Variants in CSMD3 observed in about 807,000 individuals in gnomAD.
The protein encoded by CSMD3 is CUB and sushi domain-containing protein 3.
CSMD3 carries 177 observed loss-of-function variants against 435.2 expected under a neutral mutation model. The observed-to-expected ratio is 0.41, with a 90% CI of 0.36 to 0.46. CSMD3 has a LOEUF of 0.46. Ranked by LOEUF, CSMD3 falls within the 20% of genes least tolerant of loss-of-function variation. CSMD3 has a pLI of 0.34. For synonymous variants in CSMD3, 1,656 were observed against 1,520.5 expected (o/e 1.09, Z -2.07); for missense variants, 4,265 against 4,504.6 (o/e 0.95, Z 1.52).
rs1328707371 is a variant in CSMD3, at chr8:113,400,896, T to C, written c.178+35781A>G. Among the ~76,000 whole-genome samples, 3 of 151,836 alleles carry C rather than the reference T, an allele frequency of 2.0e-5. No homozygotes were observed. In the East Asian group the frequency reaches 5.8e-4, roughly 29 times the overall value. ...ATTGGTTGGAGAGTATTTATAATTA[T>C]TAAGTTTGATTGGAACAAGTTTAAT... On this transcript the variant is annotated intron_variant, in intron 1 of 70. Transcript: ENST00000297405.
chr8:112,959,591 T>A (rs1405337347), intron 7 of CSMD3, among the ~76,000 whole-genome samples: 3 of 151,900 alleles, frequency 2.0e-5, no homozygotes, highest in African/African-American at 7.2e-5. Context: ...CGTCTTCTTT[T>A]GTGCTGTGTT....
intron 11 of CSMD3, among the ~76,000 whole-genome samples, chr8:112,843,379 A>G (rs926837138): frequency 1.3e-5 from 2 of 151,768 alleles, no homozygotes; most frequent in Admixed American, 1.3e-4. Context: ...CTGCTGTCCA[A>G]TTTCCTTGTT....
chr8:112,318,516 T>C (rs1314758036), intron 47 of CSMD3, among the ~76,000 whole-genome samples: 1 of 152,066 alleles, frequency 6.6e-6, no homozygotes, highest in East Asian at 1.9e-4. Context: ...GCAATTAACA[T>C]TGAAACCTTT....
intron 20 of CSMD3, among the ~76,000 whole-genome samples, chr8:112,641,540 T>G (rs1563801542): frequency 6.6e-6 from 1 of 152,006 alleles, no homozygotes; most frequent in Admixed American, 6.6e-5. Flanking sequence ...AAAATGACCT[T>G]CAAATGTAAT....
intron 61 of CSMD3, among the ~76,000 whole-genome samples, chr8:112,259,460 G>A (rs906380303): frequency 3.3e-5 from 5 of 152,054 alleles, no homozygotes; most frequent in Non-Finnish European, 7.4e-5. Flanking sequence ...GTCTAGGGGA[G>A]GCACAGCATT....
intron 32 of CSMD3, among the ~76,000 whole-genome samples, chr8:112,469,054 A>C (rs780944003): frequency 1.3e-5 from 2 of 151,788 alleles, no homozygotes. Context: ...AGTAAAGCGA[A>C]GTAATATTAT....
intron 2 of CSMD3, among the ~76,000 whole-genome samples, chr8:113,303,978 C>A (rs1255643757): frequency 7.2e-6 from 1 of 138,046 alleles, no homozygotes; most frequent in Non-Finnish European, 1.6e-5. Context: ...AACAGGCAAC[C>A]TACAAAATGG....
intron 27 of CSMD3, among the ~76,000 whole-genome samples, chr8:112,518,391 C>T (rs1586579398): frequency 6.6e-6 from 1 of 151,842 alleles, no homozygotes; most frequent in East Asian, 1.9e-4. Flanking sequence ...GCCTGCAGTC[C>T]CAGCTACTTG....
chr8:112,255,418 C>T lies in CSMD3; in HGVS notation c.9872G>A (p.Cys3291Tyr), dbSNP rs1330141465. Residue 3291 changes from cysteine to tyrosine, a missense_variant, in exon 62 of 71, where the codon TGT becomes TAT. By Grantham distance (194) the Cys-to-Tyr change is radical (BLOSUM62 -2). Transcript: ENST00000297405. ...GEVPQCLPKF[C>Y]GDPGIPAQGK... Reference sequence around the variant, plus strand: ...TTGGGCAGGTATACCAGGGTCACCACAAAACTTTGCTGGAAATGAAAAGAA... The same window carrying T: ...TTGGGCAGGTATACCAGGGTCACCATAAAACTTTGCTGGAAATGAAAAGAA... 1.2e-6 allele frequency: 2 copies of T among 1,613,236 alleles called. No individual in the cohort carries two copies. The highest frequency in any genetic ancestry group is 1.7e-6 in the Non-Finnish European group (2 of 1,179,704).
chr8:113,035,229 A>G (rs1056084292), intron 5 of CSMD3, among the ~76,000 whole-genome samples: 1 of 152,058 alleles, frequency 6.6e-6, no homozygotes, highest in Non-Finnish European at 1.5e-5. Context: ...CTGATCAAAT[A>G]AAGAAAGATA....
At chr8:113,351,760 T>C (rs560692083) in intron 1 of CSMD3, among the ~76,000 whole-genome samples, 6 of 152,270 alleles carry the variant, frequency 3.9e-5, no homozygotes, top group African/African-American at 1.2e-4. Flanking sequence ...TTTATAAAAG[T>C]GGTAATTAAA....
intron 13 of CSMD3, among the ~76,000 whole-genome samples, chr8:112,707,192 T>C (rs1369780722): frequency 1.3e-5 from 2 of 152,074 alleles, no homozygotes; most frequent in Admixed American, 6.6e-5. Context: ...CTGTATCTAC[T>C]AGATGGTAAA....
intron 23 of CSMD3, among the ~76,000 whole-genome samples, chr8:112,580,164 A>C (rs1423515548): frequency 6.6e-6 from 1 of 152,022 alleles, no homozygotes; most frequent in Non-Finnish European, 1.5e-5. Context: ...AATGGGAGCT[A>C]TTTGATGTTA....
Position 112,237,199 on chromosome 8 carries a change from G to C in CSMD3, c.10618C>G (p.Leu3540Val), listed in dbSNP as rs139899414. Reference protein sequence around the residue: ...ATLSNSNMELLLSGVYKSQEA... With the variant: ...ATLSNSNMELVLSGVYKSQEA... ...GTTTTTATTGCGATACCTGAAAGTAGCAGCTCCATGTTGCTATTGCTCAGT... is the reference window on the plus strand; with the variant it reads ...GTTTTTATTGCGATACCTGAAAGTACCAGCTCCATGTTGCTATTGCTCAGT... Residue 3540 changes from leucine to valine, a missense_variant, in exon 67 of 71, where the codon CTA becomes GTA. Physicochemically the swap from Leu to Val is conservative, Grantham distance 32 (BLOSUM62 1). Coordinates refer to ENST00000297405, the MANE Select transcript of CSMD3 (RefSeq NM_198123.2). 6.2e-6 allele frequency: 10 copies of C among 1,613,500 alleles called. No individual in the cohort carries two copies. Among genetic ancestry groups the C allele is most frequent in the Non-Finnish European group, 7.6e-6 (9 of 1,179,554 alleles).
At chr8:112,732,460 G>T (rs563907193) in intron 13 of CSMD3, among the ~76,000 whole-genome samples, 1 of 151,984 alleles carries the variant, frequency 6.6e-6, no homozygotes, top group Non-Finnish European at 1.5e-5. Flanking sequence ...GCTGGGTGTG[G>T]TGGCTCATGC....
At chr8:112,959,023 C>T (rs769862441) in intron 7 of CSMD3, among the ~76,000 whole-genome samples, 7 of 152,046 alleles carry the variant, frequency 4.6e-5, no homozygotes, top group African/African-American at 7.2e-5. Flanking sequence ...CATTTCCTGG[C>T]TTGAAGTTCC....
At chr8:112,598,999 A>G (rs1042842049) in intron 22 of CSMD3, among the ~76,000 whole-genome samples, 2 of 150,132 alleles carry the variant, frequency 1.3e-5, no homozygotes, top group African/African-American at 4.9e-5. Flanking sequence ...CAATGGCAAC[A>G]AAAGACAAAA....
chr8:113,385,851 C>T (rs2094436967), intron 1 of CSMD3, among the ~76,000 whole-genome samples: 1 of 152,040 alleles, frequency 6.6e-6, no homozygotes. Context: ...GATGCTATCA[C>T]ATTGTGGTTT....
At chr8:113,180,290 T>C (rs1029124998) in intron 3 of CSMD3, among the ~76,000 whole-genome samples, 9 of 152,010 alleles carry the variant, frequency 5.9e-5, no homozygotes, top group Admixed American at 5.3e-4. Flanking sequence ...AATTTTTTAG[T>C]GATACAAAAT....
Sources: allele counts gnomAD v4.1 joint callset (sites outside exome capture counted in the v4.1 genomes callset), GRCh38; gene constraint gnomAD v4.1.1; transcripts MANE v1.5; gene names NCBI Gene and HGNC (gene_info 2026-07-23, HGNC 2026-07-21).